ARHGAP24: variants seen among roughly 807,000 people sequenced by gnomAD.
The protein encoded by ARHGAP24 is Rho GTPase activating protein 24, also known as rho GTPase-activating protein 24.
Under a neutral mutation model 76.4 loss-of-function variants are expected in ARHGAP24, and 50 were observed. The observed-to-expected ratio is 0.65, with a 90% CI of 0.52 to 0.83. ARHGAP24 has a LOEUF of 0.83. Among genes scored for constraint, ARHGAP24 ranks in the 40% least tolerant of loss-of-function variants. ARHGAP24 has a pLI of 0.00. For synonymous variants in ARHGAP24, 345 were observed against 323.3 expected, an observed-to-expected ratio of 1.07 and a Z score of -0.72; for missense variants, 930 against 914.2, an observed-to-expected ratio of 1.02 and a Z score of -0.22.
chr4:85,721,760 A>G (rs1191040047), intron 2 of ARHGAP24, 125 bp from the exon 3 acceptor site: 6 of 808,562 alleles, frequency 7.4e-6, no homozygotes, highest in Non-Finnish European at 1.2e-5. Context: ...GGGAATATAA[A>G]AGATTCTGAT....
At chr4:85,694,908 A>G (rs533487425) in intron 2 of ARHGAP24, among the ~76,000 whole-genome samples, 50 of 152,346 alleles carry the variant, frequency 3.3e-4, no homozygotes, top group African/African-American at 1.0e-3. Flanking sequence ...TCAGACCCAC[A>G]TGCCATACCT....
chr4:85,488,220 G>A (rs1723220791), intron 1 of ARHGAP24, among the ~76,000 whole-genome samples: 1 of 151,306 alleles, frequency 6.6e-6, no homozygotes, highest in African/African-American at 2.4e-5. Flanking sequence ...TGCTCCCTCC[G>A]ACTTTTTTTT....
In ARHGAP24 at chr4:85,994,735, AAGG is replaced by A. The variant is rs1740543461; in HGVS notation, c.1084_1086del (p.Glu362del). On this transcript the variant is annotated inframe_deletion, in exon 9 of 10. Coordinates refer to ENST00000395184, the MANE Select transcript of ARHGAP24 (RefSeq NM_001025616.3). ...AGCCACCATGGGGCAGTTACAGAAC[AAGG>A]AGAACAATAACACCAAGGACAGCCC... 6.2e-7 allele frequency: 1 copy of A among 1,614,150 alleles called. No homozygotes were observed. Among genetic ancestry groups the A allele is most frequent in the East Asian group, 2.2e-5 (1 of 44,880 alleles).
intron 2 of ARHGAP24, among the ~76,000 whole-genome samples, chr4:85,666,349 T>C (rs895131024): frequency 2.0e-5 from 3 of 151,886 alleles, no homozygotes; most frequent in Non-Finnish European, 4.4e-5. Flanking sequence ...GTTCTCAAGC[T>C]CCTGTAAGCA....
chr4:85,957,941 G>GCTTTC (rs1428246662), intron 5 of ARHGAP24, among the ~76,000 whole-genome samples: 1 of 152,162 alleles, frequency 6.6e-6, no homozygotes, highest in African/African-American at 2.4e-5. Flanking sequence ...TATGAGCTTT[G>GCTTTC]CTTTCCTTTC....
intron 3 of ARHGAP24, among the ~76,000 whole-genome samples, chr4:85,890,929 C>A (rs1266349539): frequency 6.6e-6 from 1 of 152,114 alleles, no homozygotes; most frequent in African/African-American, 2.4e-5. Flanking sequence ...AACAAGTGTT[C>A]ATTTAACAAG....
chr4:85,843,323 T>C (rs1730705637), intron 3 of ARHGAP24, among the ~76,000 whole-genome samples: 1 of 152,206 alleles, frequency 6.6e-6, no homozygotes. Context: ...ATTCTAGCTC[T>C]AAGTTCTTTC....
intron 3 of ARHGAP24, among the ~76,000 whole-genome samples, chr4:85,890,670 C>T (rs1546491): frequency 0.2 from 31,094 of 151,868 alleles, 3,400 homozygotes; most frequent in South Asian, 0.3. Context: ...AATAGCCTAT[C>T]TAGAAAATCA....
intron 2 of ARHGAP24, among the ~76,000 whole-genome samples, chr4:85,612,922 C>T (rs1264428502): frequency 2.0e-5 from 3 of 150,178 alleles, no homozygotes; most frequent in Non-Finnish European, 4.4e-5. Context: ...CCTCAGCCTT[C>T]TGAGTAGCTG....
chr4:85,636,102 T>C (rs1721298546), intron 2 of ARHGAP24, among the ~76,000 whole-genome samples: 1 of 151,878 alleles, frequency 6.6e-6, no homozygotes, highest in Admixed American at 6.6e-5. Context: ...TATCCTGCCT[T>C]ATTCTCCTTG....
Position 85,568,574 on chromosome 4 carries a change from G to A in ARHGAP24, c.-20-1948G>A, listed in dbSNP as rs529820747. The stretch of plus-strand genomic sequence containing the variant: ...CTCATCATAGTAGGTCGGGTACTGC[G>A]AAAGAAAGGAGATGAAAGTTCCTGC... On this transcript the variant is annotated intron_variant, in intron 1 of 9. Coordinates refer to ENST00000395184, the MANE Select transcript of ARHGAP24 (RefSeq NM_001025616.3). 4.6e-5 allele frequency among the ~76,000 whole-genome samples: 7 copies of A among 152,214 alleles called. No homozygotes were observed. In the East Asian group the frequency reaches 7.7e-4, roughly 17 times the overall value.
chr4:85,665,498 C>T lies in ARHGAP24; in HGVS notation c.181-56387C>T, dbSNP rs1292193432. ...GCCAGTCTGTGTCTTTTAATTGGAG[C>T]ATTTAGTCCATTTACATTTAAAGTT... On this transcript the variant is annotated intron_variant, in intron 2 of 9. Coordinates refer to ENST00000395184, the MANE Select transcript of ARHGAP24 (RefSeq NM_001025616.3). 3.3e-5 allele frequency among the ~76,000 whole-genome samples: 5 copies of T among 152,248 alleles called. 1 individual carries two copies. The Middle Eastern group carries it at 0.014, about 414-fold the overall frequency.
intron 3 of ARHGAP24, among the ~76,000 whole-genome samples, chr4:85,838,569 A>G (rs1402584640): frequency 1.3e-5 from 2 of 152,228 alleles, no homozygotes; most frequent in Non-Finnish European, 2.9e-5. Flanking sequence ...ACTGCACTCC[A>G]GCCTGGGCGA....
chr4:85,967,147 G>A (rs1197564357), intron 5 of ARHGAP24, among the ~76,000 whole-genome samples: 1 of 152,060 alleles, frequency 6.6e-6, no homozygotes, highest in African/African-American at 2.4e-5. Flanking sequence ...GCACCTAGAT[G>A]ATAAGTAGGA....
intron 3 of ARHGAP24, among the ~76,000 whole-genome samples, chr4:85,786,708 A>G (rs958912493): frequency 6.6e-6 from 1 of 152,214 alleles, no homozygotes; most frequent in Non-Finnish European, 1.5e-5. Flanking sequence ...CAATTAGAGT[A>G]AATGTTGAAT....
At chr4:85,930,973 T>C in intron 4 of ARHGAP24, 1 of 1,613,674 alleles carries the variant, frequency 6.2e-7, no homozygotes, top group Non-Finnish European at 8.5e-7. Context: ...GGCTGGTGCC[T>C]TAGCCTCAAC....
chr4:85,816,915 C>T (rs1729264075), intron 3 of ARHGAP24, among the ~76,000 whole-genome samples: 1 of 152,062 alleles, frequency 6.6e-6, no homozygotes, highest in Admixed American at 6.5e-5. Flanking sequence ...CAGCATCTTC[C>T]CTAATACTTA....
At position 85,673,302 on chromosome 4, in the gene ARHGAP24, G is replaced by A. The variant is rs190375593; in HGVS notation, c.181-48583G>A. Among the ~76,000 whole-genome samples, 320 of 152,208 alleles carry A rather than the reference G, an allele frequency of 2.1e-3. 1 individual carries two copies. The highest frequency in any genetic ancestry group is 7.5e-3 in the African/African-American group (311 of 41,538). On this transcript the variant is annotated intron_variant, in intron 2 of 9. Transcript: ENST00000395184. The stretch of plus-strand genomic sequence containing the variant: ...TAATTGTGCAGAAAGCTCTCAAGGT[G>A]TCCCCACTCACCTACATGCAGTTTC...
Position 85,923,652 on chromosome 4 carries a change from C to T in ARHGAP24, c.273C>T (p.Gly91=), listed in dbSNP as rs61732809. The T allele has an allele frequency of 9.6e-5, 155 of 1,613,478 alleles. No individual in the cohort carries two copies. In the African/African-American group the frequency reaches 1.7e-3, roughly 18 times the overall value. ...GKFLFEVVPG[G]DRDRMTANHE... is the part of the protein sequence containing the mutation. Reference sequence around the variant, plus strand: ...ATTGTTACTGTGTTTTCACAGGAGGCGATCGAGATCGGATGACAGCAAATC... The same window carrying T: ...ATTGTTACTGTGTTTTCACAGGAGGTGATCGAGATCGGATGACAGCAAATC... The change falls in exon 4 of 10, where the codon GGC becomes GGT. Residue 91 remains glycine (G), a synonymous_variant. Transcript: ENST00000395184.
Sources: gnomAD v4.1 joint callset for allele counts (sites outside exome capture counted in the v4.1 genomes callset) on GRCh38, gnomAD v4.1.1 for gene constraint, MANE v1.5 for transcripts, NCBI Gene and HGNC (gene_info 2026-07-23, HGNC 2026-07-21) for gene names.